The following SETD3 variants were observed in gnomAD, a reference collection of about 807,000 sequenced individuals.
The protein encoded by SETD3 is SET domain containing 3, actin N3(tau)-histidine methyltransferase.
In SETD3, 19 loss-of-function variants were observed where a neutral mutation model predicts 63.0. The ratio of observed to expected loss-of-function variants is 0.30; its 90% CI spans 0.21 to 0.44. The LOEUF (loss-of-function observed/expected upper bound fraction) is 0.44, where lower values mean the gene tolerates loss of function less well. Among genes scored for constraint, SETD3 ranks in the 20% least tolerant of loss-of-function variants. The probability of loss-of-function intolerance (pLI) is 1.00; values close to 1 mark genes in which losing one functional copy is unlikely to be tolerated. For synonymous variants in SETD3, 286 were observed against 264.1 expected, an observed-to-expected ratio of 1.08 and a Z score of -0.80; for missense variants, 587 against 728.5, an observed-to-expected ratio of 0.81 and a Z score of 2.24.
intron 9 of SETD3, among the ~76,000 whole-genome samples, 184 bp from the exon 10 acceptor site, chr14:99,405,555 T>A (rs1891635818): frequency 6.6e-6 from 1 of 152,184 alleles, no homozygotes. Flanking sequence ...CTTTCCAAAC[T>A]GTCTGAGACC....
intron 12 of SETD3, among the ~76,000 whole-genome samples, chr14:99,399,542 TAAA>T (rs1891266963): frequency 6.6e-6 from 1 of 152,134 alleles, no homozygotes; most frequent in South Asian, 2.1e-4. Flanking sequence ...GTAGTGAACT[TAAA>T]AAGCACAAAT....
chr14:99,409,732 G>A (rs2139632563), intron 8 of SETD3: 1 of 151,538 alleles, frequency 6.6e-6, no homozygotes, highest in Admixed American at 6.6e-5. Flanking sequence ...GGGGGGGGAG[G>A]ATAAAGTAAT....
At chr14:99,439,635 T>TA in intron 6 of SETD3, among the ~76,000 whole-genome samples, 1 of 147,966 alleles carries the variant, frequency 6.8e-6, no homozygotes, top group East Asian at 1.9e-4. Context: ...ATTTATATTT[T>TA]TATATATACA....
At chr14:99,404,937 T>C (rs1160182040) in intron 10 of SETD3, among the ~76,000 whole-genome samples, 2 of 152,204 alleles carry the variant, frequency 1.3e-5, no homozygotes, top group East Asian at 1.9e-4. Flanking sequence ...ACATGAATGA[T>C]ACGAAAGTAG....
chr14:99,419,106 A>G (rs1006331884), intron 6 of SETD3, among the ~76,000 whole-genome samples: 61 of 151,568 alleles, frequency 4.0e-4, no homozygotes, highest in African/African-American at 1.4e-3. Flanking sequence ...CTCTTGAGGG[A>G]AAAAAATCAA....
At chr14:99,447,919 C>T (rs1372389072) in intron 6 of SETD3, among the ~76,000 whole-genome samples, 1 of 152,216 alleles carries the variant, frequency 6.6e-6, no homozygotes, top group African/African-American at 2.4e-5. Flanking sequence ...AGCTCACAGG[C>T]TGGACTGACA....
chr14:99,407,684 A>G (rs925985875), intron 8 of SETD3, among the ~76,000 whole-genome samples: 1 of 150,188 alleles, frequency 6.7e-6, no homozygotes, highest in Non-Finnish European at 1.5e-5. Flanking sequence ...ACTACCTTCT[A>G]CTCCTGTTGT....
At chr14:99,406,318 CAAAGCACAAGTGAGT>C (rs1373236323) in intron 9 of SETD3, among the ~76,000 whole-genome samples, 183 bp downstream of exon 9, 1 of 152,130 alleles carries the variant, frequency 6.6e-6, no homozygotes, top group Non-Finnish European at 1.5e-5. Context: ...AAGCACAATG[CAAAGCACAAGTGAGT>C]AAAGCACAAG....
intron 6 of SETD3, among the ~76,000 whole-genome samples, chr14:99,447,607 AC>A (rs1194887208): frequency 6.6e-6 from 1 of 152,246 alleles, no homozygotes; most frequent in Non-Finnish European, 1.5e-5. Context: ...AGGGCATTTC[AC>A]CAAGACAGCC....
chr14:99,417,734 C>A lies in SETD3; in HGVS notation c.676-3800G>T, dbSNP rs572087769. ...GCTTTGAAACATTAACAGCTCTGCACAGGAACAAAATACATTTGCGTTAAG... is the reference window on the plus strand; with the variant it reads ...GCTTTGAAACATTAACAGCTCTGCAAAGGAACAAAATACATTTGCGTTAAG... On this transcript the variant is annotated intron_variant, in intron 6 of 12. Transcript: ENST00000331768. Among the ~76,000 whole-genome samples the A allele has an allele frequency of 3.9e-5, 6 of 152,286 alleles. No homozygotes were observed. The East Asian group carries it at 1.2e-3, about 29-fold the overall frequency.
intron 6 of SETD3, among the ~76,000 whole-genome samples, chr14:99,449,113 T>A (rs1894306292): frequency 6.6e-6 from 1 of 152,164 alleles, no homozygotes; most frequent in African/African-American, 2.4e-5. Context: ...GCTGAATAAG[T>A]AAATAAATGT....
chr14:99,469,887 T>A (rs963234964), intron 1 of SETD3, among the ~76,000 whole-genome samples: 3 of 152,152 alleles, frequency 2.0e-5, no homozygotes, highest in African/African-American at 7.2e-5. Context: ...AACCAGTCCT[T>A]CCCCCAGTAG....
chr14:99,407,125 T>G (rs528118474), intron 8 of SETD3, among the ~76,000 whole-genome samples: 1 of 152,376 alleles, frequency 6.6e-6, no homozygotes, highest in South Asian at 2.1e-4. Context: ...AAATTAAAAC[T>G]TTCAAGCATG....
chr14:99,442,349 T>C (rs1449628903), intron 6 of SETD3, among the ~76,000 whole-genome samples: 1 of 152,238 alleles, frequency 6.6e-6, no homozygotes, highest in Non-Finnish European at 1.5e-5. Context: ...ACCATCTCTG[T>C]GTTGGGCACA....
intron 1 of SETD3, among the ~76,000 whole-genome samples, chr14:99,466,743 A>T (rs1895407384): frequency 6.6e-6 from 1 of 152,110 alleles, no homozygotes; most frequent in Non-Finnish European, 1.5e-5. Flanking sequence ...CACTCAAGAC[A>T]GGGTGATAGT....
intron 1 of SETD3, among the ~76,000 whole-genome samples, chr14:99,466,021 T>C (rs1239740030): frequency 6.6e-6 from 1 of 152,122 alleles, no homozygotes; most frequent in East Asian, 1.9e-4. Context: ...TTGTAGTCTC[T>C]GGAAGAAAAG....
chr14:99,467,489 A>AT (rs1895453209), intron 1 of SETD3, among the ~76,000 whole-genome samples: 1 of 152,190 alleles, frequency 6.6e-6, no homozygotes, highest in Non-Finnish European at 1.5e-5. Flanking sequence ...CAGGCTTCCC[A>AT]TATCTGCGGA....
chr14:99,481,176 C>G, upstream of SETD3: 1 of 378,240 alleles, frequency 2.6e-6, no homozygotes, highest in Non-Finnish European at 4.7e-6. Context: ...TTCGGTTGCT[C>G]CAGAATGCCT....
intron 6 of SETD3, among the ~76,000 whole-genome samples, chr14:99,429,456 AT>A (rs1893054694): frequency 6.6e-6 from 1 of 152,198 alleles, no homozygotes; most frequent in South Asian, 2.1e-4. Context: ...AAGCCAAGAA[AT>A]CTAAACATAA....
Sources: allele counts gnomAD v4.1 joint callset (sites outside exome capture counted in the v4.1 genomes callset), GRCh38; gene constraint gnomAD v4.1.1; transcripts MANE v1.5; gene names NCBI Gene and HGNC (gene_info 2026-07-23, HGNC 2026-07-21).